HARS2: variants seen among roughly 807,000 people sequenced by gnomAD.
The protein encoded by HARS2 is histidine--tRNA ligase, mitochondrial.
Under a neutral mutation model 62.4 loss-of-function variants are expected in HARS2, and 40 were observed. That is an observed-to-expected ratio of 0.64 (90% CI 0.50 to 0.83). The LOEUF (loss-of-function observed/expected upper bound fraction) is 0.83. Ranked by LOEUF, HARS2 falls within the 40% of genes least tolerant of loss-of-function variation. The pLI is 0.00. For missense variants in HARS2, 569 were observed against 626.4 expected (o/e 0.91, Z 0.98); for synonymous variants, 228 against 227.0 (o/e 1.00, Z -0.04).
intron 1 of HARS2, 40 bp from the exon 2 acceptor site, chr5:140,693,551 T>C: frequency 6.2e-7 from 1 of 1,614,014 alleles, no homozygotes; most frequent in South Asian, 1.1e-5. Flanking sequence ...GTCTGGCCAG[T>C]GTCCAGAGAA....
Position 140,691,961 on chromosome 5 carries a change from G to A in HARS2, c.108+205G>A, listed in dbSNP as rs1442397212. The A allele has an allele frequency of 1.0e-5, 6 of 599,752 alleles. No homozygotes were observed. The East Asian group carries it at 1.7e-4, about 17-fold the overall frequency. 37.2% of individuals were successfully genotyped at this position (599,752 alleles called of 1,614,324 possible). On this transcript the variant is annotated intron_variant, in intron 1 of 12. Transcript: ENST00000230771. Reference sequence around the variant, plus strand: ...AGGTTGGAGTTTTGATTTCCATTCTGCAGTTGAGGAAACGGAGGCTGCAAG... The same window carrying A: ...AGGTTGGAGTTTTGATTTCCATTCTACAGTTGAGGAAACGGAGGCTGCAAG...
rs775262678 is a variant in HARS2 at position 140,697,080 on chromosome 5, A to C, written c.954+10A>C. ...TGGAATTGCTGATAAGGTAAGCTGA[A>C]TTGCAAATGGACCTCCTGCTGAGCT... On this transcript the variant is annotated intron_variant, in intron 9 of 12. Transcript: ENST00000230771. 2 of 1,614,042 alleles carry C rather than the reference A, an allele frequency of 1.2e-6. No individual in the cohort carries two copies. The highest frequency in any genetic ancestry group is 1.7e-5 in the Admixed American group (1 of 60,006).
chr5:140,695,838 T>C lies in HARS2; in HGVS notation c.626T>C (p.Leu209Pro), dbSNP rs1279051567. The change falls in exon 6 of 13, where the codon CTC (leucine) becomes CCC (proline). Residue 209 changes from leucine (L) to proline (P), a missense_variant. Transcript: ENST00000230771. ...ILSGLQLGDF[L>P]IKVNDRRIVD... ...AGTGGATTGCAGTTGGGAGACTTTC[T>C]CATTAAGGTGAGGCCAGGGCTGAGA... The C allele has an allele frequency of 1.2e-6, 2 of 1,603,926 alleles. No individual in the cohort carries two copies. Among genetic ancestry groups the C allele is most frequent in the Admixed American group, 3.3e-5 (2 of 60,008 alleles).
At chr5:140,693,433 T>C (rs1581541567) in intron 1 of HARS2, 158 bp from the exon 2 acceptor site, 2 of 1,425,642 alleles carry the variant, frequency 1.4e-6, no homozygotes, top group Middle Eastern at 1.9e-4. Context: ...CATAGATTCT[T>C]TGGGGTGGGA....
Position 140,695,493 on chromosome 5 carries a change from A to T in HARS2, c.400-15A>T. 1 of 1,613,930 alleles carries T rather than the reference A, an allele frequency of 6.2e-7. No homozygotes were observed. The highest frequency in any genetic ancestry group is 1.1e-5 in the South Asian group (1 of 91,040). ...TTGGATGCAGTATCCCTCTTCCTTAACCCATTTATGTGAGGTTCCCTTTGC... is the reference window on the plus strand; with the variant it reads ...TTGGATGCAGTATCCCTCTTCCTTATCCCATTTATGTGAGGTTCCCTTTGC... On this transcript the variant is annotated splice_polypyrimidine_tract_variant and intron_variant, in intron 4 of 12. Coordinates refer to ENST00000230771, the MANE Select transcript of HARS2 (RefSeq NM_012208.4).
At chr5:140,693,837 C>G (rs1759639998) in intron 2 of HARS2, 98 bp from the exon 3 acceptor site, 2 of 1,427,448 alleles carry the variant, frequency 1.4e-6, no homozygotes, top group South Asian at 1.2e-5. Flanking sequence ...GATTTCAGCT[C>G]CAGACCTGAG....
intron 12 of HARS2, 72 bp from the exon 13 acceptor site, chr5:140,698,421 T>G (rs916151515): frequency 2.6e-6 from 3 of 1,160,084 alleles, no homozygotes; most frequent in Non-Finnish European, 3.9e-6. Flanking sequence ...GTAAAACAAA[T>G]CTGGAAAAAC....
intron 1 of HARS2, chr5:140,693,368 C>G: frequency 1.2e-6 from 1 of 819,874 alleles, no homozygotes; most frequent in Non-Finnish European, 1.9e-6. Flanking sequence ...AGTGAGGAAG[C>G]TTGTGTGGTG....
At position 140,695,777 on chromosome 5, in the gene HARS2, G is replaced by A. The variant is rs1044622594; in HGVS notation, c.565G>A (p.Asp189Asn). The change falls in exon 6 of 13, where the codon GAT becomes AAT. Residue 189 changes from aspartate to asparagine, a missense_variant. Asp to Asn is a conservative substitution (Grantham distance 23). Coordinates refer to ENST00000230771, the MANE Select transcript of HARS2 (RefSeq NM_012208.4). ...IAGQFDPMIP[D>N]AECLKIMCEI... Reference sequence around the variant, plus strand: ...TGGTCAGTTTGACCCTATGATCCCCGATGCAGAGTGTTTGAAGATCATGTG... The same window carrying A: ...TGGTCAGTTTGACCCTATGATCCCCAATGCAGAGTGTTTGAAGATCATGTG... The A allele has an allele frequency of 3.1e-6, 5 of 1,613,988 alleles. No homozygotes were observed. The highest frequency in any genetic ancestry group is 1.1e-5 in the South Asian group (1 of 91,074).
In HARS2 at chr5:140,697,049, T is replaced by A; in HGVS notation, c.933T>A (p.Thr311=). ...TAAAGCTGCTATTTGAATACCTGAC[T>A]TTATTTGGAATTGCTGATAAGGTAA... ...GDLKLLFEYL[T]LFGIADKISF... Residue 311 remains threonine, a synonymous_variant, in exon 9 of 13, where the codon ACT becomes ACA. Transcript: ENST00000230771. 6.2e-7 allele frequency: 1 copy of A among 1,614,182 alleles called. No individual in the cohort carries two copies. Among genetic ancestry groups the A allele is most frequent in the Non-Finnish European group, 8.5e-7 (1 of 1,180,034 alleles).
At chr5:140,697,509 T>C in intron 10 of HARS2, 60 bp from the exon 11 acceptor site, 1 of 1,603,018 alleles carries the variant, frequency 6.2e-7, no homozygotes, top group Non-Finnish European at 8.5e-7. Flanking sequence ...TTGTCTTGAT[T>C]TTTGGAATTG....
chr5:140,694,242 C>T lies in HARS2; in HGVS notation c.361C>T (p.Gln121Ter), dbSNP rs771782336. 1.2e-6 allele frequency: 2 copies of T among 1,613,562 alleles called. No individual in the cohort carries two copies. The highest frequency in any genetic ancestry group is 2.2e-5 in the East Asian group (1 of 44,890). ...TGGGCTCATGTATGATCTGAAGGATCAAGGTGGAGAGCTGTTGTCCCTCCG... is the reference window on the plus strand; with the variant it reads ...TGGGCTCATGTATGATCTGAAGGATTAAGGTGGAGAGCTGTTGTCCCTCCG... Reference protein sequence around the residue: ...DSGLMYDLKDQGGELLSLRYD... With the variant: ...DSGLMYDLKD The change falls in exon 4 of 13, where the codon CAA (glutamine) becomes TAA (stop). Residue 121 changes from glutamine (Q) to a stop codon, truncating the protein, a stop_gained. Coordinates refer to ENST00000230771, the MANE Select transcript of HARS2 (RefSeq NM_012208.4). LOFTEE classifies it high-confidence loss of function.
In HARS2 at chr5:140,695,850, G is replaced by A. The variant is rs757134958; in HGVS notation, c.633+5G>A. ...TTGGGAGACTTTCTCATTAAGGTGAGGCCAGGGCTGAGAACTGTGGGAGAA... is the reference window on the plus strand; with the variant it reads ...TTGGGAGACTTTCTCATTAAGGTGAAGCCAGGGCTGAGAACTGTGGGAGAA... On this transcript the variant is annotated splice_donor_5th_base_variant and intron_variant, in intron 6 of 12. Coordinates refer to ENST00000230771, the MANE Select transcript of HARS2 (RefSeq NM_012208.4). 2 of 1,585,474 alleles carry A rather than the reference G, an allele frequency of 1.3e-6. No individual in the cohort carries two copies. Among genetic ancestry groups the A allele is most frequent in the South Asian group, 2.2e-5 (2 of 90,478 alleles).
At chr5:140,697,779 CT>C in intron 11 of HARS2, 94 bp downstream of exon 11, 1 of 1,259,560 alleles carries the variant, frequency 7.9e-7, no homozygotes, top group Non-Finnish European at 1.2e-6. Flanking sequence ...AACTCAAAAC[CT>C]TTTTAGTCTG....
Position 140,698,047 on chromosome 5 carries a change from T to C in HARS2, c.1430T>C (p.Ile477Thr). The C allele has an allele frequency of 6.2e-7, 1 of 1,614,196 alleles. No individual in the cohort carries two copies. The highest frequency in any genetic ancestry group is 8.5e-7 in the Non-Finnish European group (1 of 1,180,032). The change falls in exon 12 of 13, where the codon ATC becomes ACC. Residue 477 changes from isoleucine (I) to threonine (T), a missense_variant. Transcript: ENST00000230771. ...IGEQELKEGV[I>T]KIRSVASREE... The stretch of plus-strand genomic sequence containing the variant: ...GAGCAAGAACTGAAAGAAGGGGTCA[T>C]CAAGATCCGTTCAGTGGCCAGCAGA...
chr5:140,697,144 CTG>C lies in HARS2; in HGVS notation c.955-18_955-17del. 4 of 1,614,204 alleles carry C rather than the reference CTG, an allele frequency of 2.5e-6. No homozygotes were observed. The highest frequency in any genetic ancestry group is 3.4e-6 in the Non-Finnish European group (4 of 1,180,036). On this transcript the variant is annotated intron_variant, in intron 9 of 12. Transcript: ENST00000230771. ...GGTCCCGAGTCTAGTTTGGGACTGA[CTG>C]TAATCTTGTCCCCACAGATCTCCTT...
At chr5:140,695,454 A>G in intron 4 of HARS2, 54 bp from the exon 5 acceptor site, 1 of 1,608,818 alleles carries the variant, frequency 6.2e-7, no homozygotes, top group Non-Finnish European at 8.5e-7. Flanking sequence ...ATGTCTGTAT[A>G]CTGGGCCTAA....
chr5:140,694,314 C>T lies in HARS2; in HGVS notation c.399+34C>T, dbSNP rs1759666262. The T allele has an allele frequency of 4.2e-6, 6 of 1,428,616 alleles. No homozygotes were observed. The East Asian group carries it at 1.4e-4, about 32-fold the overall frequency. 88.5% of individuals were successfully genotyped at this position (1,428,616 alleles called of 1,614,324 possible). ...TTGAGTACTGGAGCCTGACCTGTCT[C>T]TTTCCAAATCCAGCGGGCTTTCTCT... On this transcript the variant is annotated intron_variant, in intron 4 of 12. Transcript: ENST00000230771.
At position 140,697,155 on chromosome 5, in the gene HARS2, T is replaced by C. The variant is rs1562059541; in HGVS notation, c.955-9T>C. On this transcript the variant is annotated splice_polypyrimidine_tract_variant and intron_variant, in intron 9 of 12. Transcript: ENST00000230771. ...TAGTTTGGGACTGACTGTAATCTTGTCCCCACAGATCTCCTTTGACCTCAG... is the reference window on the plus strand; with the variant it reads ...TAGTTTGGGACTGACTGTAATCTTGCCCCCACAGATCTCCTTTGACCTCAG... The C allele has an allele frequency of 6.2e-7, 1 of 1,614,224 alleles. No individual in the cohort carries two copies. Among genetic ancestry groups the C allele is most frequent in the Admixed American group, 1.7e-5 (1 of 60,018 alleles).
Sources: allele counts gnomAD v4.1 joint callset, GRCh38; gene constraint gnomAD v4.1.1; transcripts MANE v1.5; gene names NCBI Gene and HGNC (gene_info 2026-07-23, HGNC 2026-07-21).